The following NCMAP variants were observed in gnomAD, a reference collection of about 807,000 sequenced individuals.
NCMAP encodes the protein noncompact myelin-associated protein.
In NCMAP, 8 loss-of-function variants were observed where a neutral mutation model predicts 7.8. The ratio of observed to expected loss-of-function variants is 1.02; its 90% CI spans 0.60 to 1.84. NCMAP has a LOEUF of 1.84. NCMAP is among the 40% of genes most tolerant of loss of function. The probability of loss-of-function intolerance (pLI) is 0.00; values close to 1 mark genes in which losing one functional copy is unlikely to be tolerated. For missense variants in NCMAP, 112 were observed against 131.4 expected (o/e 0.85, Z 0.72); for synonymous variants, 41 against 52.9 (o/e 0.78, Z 0.98).
At chr1:24,558,631 C>T (rs574517267) in intron 1 of NCMAP, among the ~76,000 whole-genome samples, 1 of 152,126 alleles carries the variant, frequency 6.6e-6, no homozygotes, top group East Asian at 1.9e-4. Flanking sequence ...TCCAAGCTGA[C>T]CCCCCCTCAT....
chr1:24,562,028 T>C (rs999208699), intron 1 of NCMAP, among the ~76,000 whole-genome samples: 1 of 152,170 alleles, frequency 6.6e-6, no homozygotes, highest in Non-Finnish European at 1.5e-5. Context: ...TGAAACTTGG[T>C]TTTTTGTTTC....
Position 24,605,795 on chromosome 1 carries a change from A to C in NCMAP, c.*48A>C, listed in dbSNP as rs1395248408. 6.2e-7 allele frequency: 1 copy of C among 1,602,456 alleles called. No homozygotes were observed. The highest frequency in any genetic ancestry group is 8.5e-7 in the Non-Finnish European group (1 of 1,171,248). On this transcript the variant is annotated 3_prime_UTR_variant, in exon 4 of 4. Transcript: ENST00000374392. The stretch of plus-strand genomic sequence containing the variant: ...ACCACTGTCCAAAGAGCCTCTCCAG[A>C]GTCAAGACCCAGAGGCACACTCTCT...
At chr1:24,578,552 C>CTTTTTT (rs796378159) in intron 1 of NCMAP, among the ~76,000 whole-genome samples, 1 of 131,994 alleles carries the variant, frequency 7.6e-6, no homozygotes, top group African/African-American at 3.0e-5. Context: ...TTTTCTTTTT[C>CTTTTTT]TTTCTTTCTT....
intron 1 of NCMAP, among the ~76,000 whole-genome samples, chr1:24,562,944 G>T (rs561830647): frequency 1.7e-4 from 26 of 152,212 alleles, no homozygotes; most frequent in African/African-American, 6.3e-4. Flanking sequence ...CTTTCTCCAG[G>T]GCACATTACC....
chr1:24,584,274 T>G (rs1651819705), intron 1 of NCMAP, among the ~76,000 whole-genome samples: 1 of 152,120 alleles, frequency 6.6e-6, no homozygotes. Flanking sequence ...ACATTCTAGC[T>G]CTCAGTCAAT....
chr1:24,571,590 CT>C lies in NCMAP; in HGVS notation c.-8+15430del, dbSNP rs200011456. On this transcript the variant is annotated intron_variant, in intron 1 of 3. Transcript: ENST00000374392. Reference sequence around the variant, plus strand: ...AATAGAAAAAAACTTCATATATATACTTTTTTTTTCTTTGAGATGGAGTCTT... The same window carrying C: ...AATAGAAAAAAACTTCATATATATACTTTTTTTTCTTTGAGATGGAGTCTT... 8.7e-5 allele frequency among the ~76,000 whole-genome samples: 13 copies of C among 149,890 alleles called. 1 individual carries two copies. The highest frequency in any genetic ancestry group is 6.6e-4 in the Admixed American group (10 of 15,158).
At chr1:24,605,360 C>T (rs74062033) in intron 3 of NCMAP, among the ~76,000 whole-genome samples, 8,214 of 152,176 alleles carry the variant, frequency 0.054, 756 homozygotes, top group African/African-American at 0.19. Context: ...CCTCTGACAT[C>T]TTACTCATTC....
chr1:24,583,008 G>A (rs561985558), intron 1 of NCMAP, among the ~76,000 whole-genome samples: 4 of 152,326 alleles, frequency 2.6e-5, no homozygotes, highest in East Asian at 1.9e-4. Flanking sequence ...CGCCATCGTC[G>A]TCATCATCAT....
At chr1:24,599,838 C>T (rs899819784) in intron 2 of NCMAP, among the ~76,000 whole-genome samples, 1 of 70,092 alleles carries the variant, frequency 1.4e-5, no homozygotes, top group Non-Finnish European at 3.2e-5. Flanking sequence ...CCCCCCCCCC[C>T]CTTGGCCTCC....
rs78146583 is a variant in NCMAP, at chr1:24,592,345, G to A, written c.-7-3079G>A. On this transcript the variant is annotated intron_variant, in intron 1 of 3. Coordinates refer to ENST00000374392, the MANE Select transcript of NCMAP (RefSeq NM_001010980.5). ...ATGAGCTTCCCAAGGCAAGGAGTTC[G>A]TCTAGTATTCCCTGTGTACTCCCAG... is the stretch of plus-strand genomic sequence containing the variant. Among the ~76,000 whole-genome samples the A allele has an allele frequency of 2.1e-3, 326 of 152,242 alleles. 1 individual carries two copies. The highest frequency in any genetic ancestry group is 3.9e-3 in the Non-Finnish European group (265 of 68,002).
chr1:24,567,320 G>A (rs1651257048), intron 1 of NCMAP, among the ~76,000 whole-genome samples: 1 of 152,138 alleles, frequency 6.6e-6, no homozygotes, highest in African/African-American at 2.4e-5. Context: ...ACACTTTCAG[G>A]TGATAAGTGC....
At chr1:24,597,671 G>GAAAT (rs1652302700) in intron 2 of NCMAP, among the ~76,000 whole-genome samples, 1 of 111,172 alleles carries the variant, frequency 9.0e-6, no homozygotes, top group Non-Finnish European at 2.0e-5. Context: ...AAGAAAGAAA[G>GAAAT]AAAAGAAAAA....
intron 3 of NCMAP, among the ~76,000 whole-genome samples, chr1:24,601,619 A>G (rs1293249104): frequency 1.3e-5 from 2 of 152,220 alleles, no homozygotes; most frequent in African/African-American, 2.4e-5. Context: ...TTAAAAAGGT[A>G]TCGTGGCCGG....
chr1:24,566,430 T>C (rs1055423228), intron 1 of NCMAP, among the ~76,000 whole-genome samples: 2 of 152,170 alleles, frequency 1.3e-5, no homozygotes, highest in African/African-American at 4.8e-5. Flanking sequence ...AGGCTGTCTT[T>C]GGAAACTGCA....
chr1:24,561,372 A>G (rs1651047283), intron 1 of NCMAP, among the ~76,000 whole-genome samples: 1 of 152,140 alleles, frequency 6.6e-6, no homozygotes, highest in Non-Finnish European at 1.5e-5. Flanking sequence ...AAATACTTAC[A>G]GTGATATTTA....
intron 1 of NCMAP, among the ~76,000 whole-genome samples, chr1:24,583,466 C>A (rs192627666): frequency 4.9e-4 from 74 of 152,290 alleles, no homozygotes; most frequent in East Asian, 3.1e-3. Context: ...GTAATCCCAG[C>A]ACTTTGGGAG....
intron 3 of NCMAP, among the ~76,000 whole-genome samples, chr1:24,602,880 AAT>A (rs1652557987): frequency 1.3e-5 from 2 of 151,614 alleles, no homozygotes; most frequent in African/African-American, 2.4e-5. Flanking sequence ...CTCTACTGAA[AAT>A]ACAAAAAATC....
chr1:24,587,504 G>A (rs985598850), intron 1 of NCMAP, among the ~76,000 whole-genome samples: 3 of 152,028 alleles, frequency 2.0e-5, no homozygotes, highest in Non-Finnish European at 1.5e-5. Context: ...AAGGTCAAAG[G>A]TGCCTTCTTT....
At chr1:24,602,739 A>G (rs889659370) in intron 3 of NCMAP, among the ~76,000 whole-genome samples, 2 of 124,240 alleles carry the variant, frequency 1.6e-5, no homozygotes, top group East Asian at 2.1e-4. Context: ...CTGTCTCTGG[A>G]AAAAAAAAAA....
Sources: allele counts gnomAD v4.1 joint callset (sites outside exome capture counted in the v4.1 genomes callset), GRCh38; gene constraint gnomAD v4.1.1; transcripts MANE v1.5; gene names NCBI Gene and HGNC (gene_info 2026-07-23, HGNC 2026-07-21).